Variants in PRKN observed in about 807,000 individuals in gnomAD.
PRKN encodes the protein parkin RBR E3 ubiquitin protein ligase.
PRKN carries 56 observed loss-of-function variants against 59.5 expected under a neutral mutation model. That is an observed-to-expected ratio of 0.94 (90% CI 0.76 to 1.18). The LOEUF is 1.18. Among genes scored for constraint, PRKN ranks in the 50% most tolerant of loss-of-function variants. The probability of loss-of-function intolerance (pLI) is 0.00; values close to 1 mark genes in which losing one functional copy is unlikely to be tolerated. For missense variants in PRKN, 657 were observed against 596.4 expected (o/e 1.10, Z -1.06); for synonymous variants, 250 against 222.1 (o/e 1.13, Z -1.12).
At chr6:162,495,049 T>C (rs1167600041) in intron 1 of PRKN, among the ~76,000 whole-genome samples, 1 of 152,134 alleles carries the variant, frequency 6.6e-6, no homozygotes, top group African/African-American at 2.4e-5. Context: ...ATTTTAATGG[T>C]GGAGTTTGAT....
chr6:162,239,464 G>T (rs2128090604), intron 3 of PRKN, among the ~76,000 whole-genome samples: 1 of 152,022 alleles, frequency 6.6e-6, no homozygotes, highest in South Asian at 2.1e-4. Context: ...TGATTAAATA[G>T]AGGCCCGGCA....
chr6:161,697,201 C>T (rs1278892806), intron 7 of PRKN, among the ~76,000 whole-genome samples: 2 of 152,110 alleles, frequency 1.3e-5, no homozygotes, highest in Non-Finnish European at 2.9e-5. Flanking sequence ...AAGTGATTCT[C>T]CACTTGGGAT....
At chr6:161,750,465 T>A (rs1328733387) in intron 7 of PRKN, among the ~76,000 whole-genome samples, 6 of 152,028 alleles carry the variant, frequency 3.9e-5, no homozygotes, top group African/African-American at 1.4e-4. Context: ...CATAAGTGAA[T>A]AAATATTTTA....
rs1253862298 is a variant in PRKN at position 161,352,677 on chromosome 6, T to C, written c.1286-2466A>G. Among the ~76,000 whole-genome samples, 1 of 150,772 alleles carries C rather than the reference T, an allele frequency of 6.6e-6. No homozygotes were observed. The highest frequency in any genetic ancestry group is 1.9e-4 in the East Asian group (1 of 5,182). ...ATGAAAGGGTAAGAAACTTTCCTATTGTGATATTTAATATATATAAGCATA... is the reference window on the plus strand; with the variant it reads ...ATGAAAGGGTAAGAAACTTTCCTATCGTGATATTTAATATATATAAGCATA... On this transcript the variant is annotated intron_variant, in intron 11 of 11. Transcript: ENST00000366898. This position sits in a 1 kb window ranked among gnomAD's most constrained non-coding sequence, Gnocchi z 5.8.
rs6900584 is a variant in PRKN at position 161,533,414 on chromosome 6, A to G, written c.1083+15440T>C. Among the ~76,000 whole-genome samples, 127,596 of 152,038 alleles carry G rather than the reference A, an allele frequency of 0.84. 53,780 individuals are homozygous for G. Among genetic ancestry groups the G allele is most frequent in the Middle Eastern group, 0.88 (260 of 294 alleles). On this transcript the variant is annotated intron_variant, in intron 9 of 11. Coordinates refer to ENST00000366898, the MANE Select transcript of PRKN (RefSeq NM_004562.3). This position sits in a 1 kb window ranked among gnomAD's most constrained non-coding sequence, Gnocchi z 4.1. ...AAACAAGCATGCTGGAAGCTTGCAC[A>G]GGTACATGCTGGCAGTTGTGCCCGT...
At chr6:162,300,503 T>C (rs1781896683) in intron 2 of PRKN, among the ~76,000 whole-genome samples, 1 of 152,146 alleles carries the variant, frequency 6.6e-6, no homozygotes, top group South Asian at 2.1e-4. Flanking sequence ...TCTGCGTTTT[T>C]TTTTTCTTTT....
intron 1 of PRKN, among the ~76,000 whole-genome samples, chr6:162,604,329 CGCA>C (rs1781822686): frequency 6.6e-6 from 1 of 152,142 alleles, no homozygotes; most frequent in Non-Finnish European, 1.5e-5. Flanking sequence ...TTATTTGTTT[CGCA>C]GCCTGTGCTG....
intron 2 of PRKN, among the ~76,000 whole-genome samples, chr6:162,325,909 T>C (rs1394771798): frequency 6.6e-6 from 1 of 152,176 alleles, no homozygotes; most frequent in Non-Finnish European, 1.5e-5. Context: ...TCTTAGAGAC[T>C]GTAAAGCAAT....
intron 1 of PRKN, among the ~76,000 whole-genome samples, chr6:162,677,198 A>C (rs1779586672): frequency 6.6e-6 from 1 of 152,044 alleles, no homozygotes. Context: ...AATGAGTAGC[A>C]GCCACATGAA....
At chr6:161,844,886 A>C (rs1464264937) in intron 6 of PRKN, among the ~76,000 whole-genome samples, 1 of 152,270 alleles carries the variant, frequency 6.6e-6, no homozygotes, top group Non-Finnish European at 1.5e-5. Context: ...ATATCTCATA[A>C]GTTAAGGAGT....
intron 4 of PRKN, among the ~76,000 whole-genome samples, chr6:162,142,087 C>T (rs998030677): frequency 6.6e-6 from 1 of 151,938 alleles, no homozygotes; most frequent in Non-Finnish European, 1.5e-5. Context: ...TTTTAGTTCA[C>T]AAAACTCAGA....
chr6:161,851,279 T>C (rs1006050635), intron 6 of PRKN, among the ~76,000 whole-genome samples: 1 of 152,120 alleles, frequency 6.6e-6, no homozygotes, highest in African/African-American at 2.4e-5. Flanking sequence ...TATGAATCAG[T>C]AGGAAGACCC....
chr6:161,897,707 C>T (rs181657531), intron 6 of PRKN, among the ~76,000 whole-genome samples: 32 of 150,020 alleles, frequency 2.1e-4, no homozygotes, highest in East Asian at 6.0e-4. Context: ...TGCGGCCGGG[C>T]GCGGTGGCTC....
intron 4 of PRKN, among the ~76,000 whole-genome samples, chr6:162,145,066 C>G (rs1199586098): frequency 6.6e-6 from 1 of 152,116 alleles, no homozygotes; most frequent in African/African-American, 2.4e-5. Flanking sequence ...GAGGAAAAAT[C>G]CCTGATGACT....
At chr6:161,901,778 A>G (rs1777925292) in intron 6 of PRKN, among the ~76,000 whole-genome samples, 1 of 152,204 alleles carries the variant, frequency 6.6e-6, no homozygotes, top group Admixed American at 6.5e-5. Flanking sequence ...TGATTTATGC[A>G]TTTGAACAGA....
chr6:162,055,571 C>T (rs1051319124), intron 4 of PRKN, among the ~76,000 whole-genome samples: 6 of 151,946 alleles, frequency 3.9e-5, no homozygotes, highest in Admixed American at 6.6e-5. Flanking sequence ...GGGTTGTCTC[C>T]CCAGCTGTGA....
At chr6:162,550,715 T>TGGATGTGCAATAACATCACA (rs1329605959) in intron 1 of PRKN, among the ~76,000 whole-genome samples, 1 of 152,176 alleles carries the variant, frequency 6.6e-6, no homozygotes, top group African/African-American at 2.4e-5. Context: ...AAGTCTCTGG[T>TGGATGTGCAATAACATCACA]GGATGTGCAA....
intron 7 of PRKN, among the ~76,000 whole-genome samples, chr6:161,761,044 T>TA (rs1259933293): frequency 2.0e-5 from 3 of 152,336 alleles, no homozygotes; most frequent in African/African-American, 7.2e-5. Flanking sequence ...GGCCAAATCC[T>TA]ACCCAGAGAA....
intron 2 of PRKN, among the ~76,000 whole-genome samples, chr6:162,374,522 G>T: frequency 6.6e-6 from 1 of 151,454 alleles, no homozygotes; most frequent in East Asian, 1.9e-4. Context: ...ATAATTTTAT[G>T]TTTTATTTAT....
Sources: allele counts gnomAD v4.1 joint callset (sites outside exome capture counted in the v4.1 genomes callset), GRCh38; gene constraint gnomAD v4.1.1; non-coding constraint Gnocchi (gnomAD v3.1); transcripts MANE v1.5; gene names NCBI Gene and HGNC (gene_info 2026-07-23, HGNC 2026-07-21).